The following KCNK13 variants were observed in gnomAD, a reference collection of about 807,000 sequenced individuals.
KCNK13 encodes the protein potassium channel subfamily K member 13.
In KCNK13, 12 loss-of-function variants were observed where a neutral mutation model predicts 23.4. The observed-to-expected ratio is 0.51, with a 90% CI of 0.33 to 0.83. The LOEUF is 0.83. Ranked by LOEUF, KCNK13 falls within the 40% of genes least tolerant of loss-of-function variation. The pLI is 0.02. For missense variants in KCNK13, 463 were observed against 556.3 expected, an observed-to-expected ratio of 0.83 and a Z score of 1.69; for synonymous variants, 231 against 229.5, an observed-to-expected ratio of 1.01 and a Z score of -0.06.
chr14:90,120,370 ATTC>A (rs774902701), intron 1 of KCNK13, among the ~76,000 whole-genome samples: 10 of 152,194 alleles, frequency 6.6e-5, no homozygotes, highest in Non-Finnish European at 1.5e-4. Context: ...GTGTTAGTCC[ATTC>A]TTACACTGCT....
intron 1 of KCNK13, among the ~76,000 whole-genome samples, chr14:90,117,485 G>T (rs1380081895): frequency 1.3e-5 from 2 of 152,098 alleles, no homozygotes; most frequent in African/African-American, 4.8e-5. Flanking sequence ...AGCTACTCGG[G>T]AGACCGAGGC....
chr14:90,164,852 G>T (rs775035992), intron 1 of KCNK13, among the ~76,000 whole-genome samples: 1 of 152,164 alleles, frequency 6.6e-6, no homozygotes, highest in Non-Finnish European at 1.5e-5. Flanking sequence ...GAAGCATGAG[G>T]GTCCCACAAA....
chr14:90,123,518 T>C (rs1889762955), intron 1 of KCNK13, among the ~76,000 whole-genome samples: 1 of 152,244 alleles, frequency 6.6e-6, no homozygotes, highest in African/African-American at 2.4e-5. Flanking sequence ...TCTGAGGTAC[T>C]GTCAGGTTAG....
intron 1 of KCNK13, among the ~76,000 whole-genome samples, chr14:90,171,512 A>T (rs1890364164): frequency 6.6e-6 from 1 of 152,250 alleles, no homozygotes; most frequent in Non-Finnish European, 1.5e-5. Context: ...GGTTGAAGAC[A>T]CGTGCCTGTG....
At chr14:90,155,148 G>A (rs1890179675) in intron 1 of KCNK13, among the ~76,000 whole-genome samples, 1 of 152,150 alleles carries the variant, frequency 6.6e-6, no homozygotes, top group Non-Finnish European at 1.5e-5. Flanking sequence ...TTTCTTTAGG[G>A]TGGTTGGGGA....
In KCNK13 at chr14:90,062,215, C is replaced by T. The variant is rs1217235614; in HGVS notation, c.10C>T (p.Arg4Trp). 1.1e-5 allele frequency: 16 copies of T among 1,429,160 alleles called. No individual in the cohort carries two copies. The highest frequency in any genetic ancestry group is 1.5e-5 in the African/African-American group (1 of 66,884). The allele number at this position is 1,429,160 out of a possible 1,614,324, so 88.5% of individuals were successfully genotyped here. Residue 4 changes from arginine (R) to tryptophan (W), a missense_variant, in exon 1 of 2, where the codon CGG (arginine) becomes TGG (tryptophan). Arg to Trp is a moderately radical substitution (Grantham distance 101). Around this residue, in one of 3 missense-constraint regions of KCNK13, gnomAD observed 153 missense variants for 153.6 expected, o/e 1.00. Transcript: ENST00000282146. The surrounding 1 kb of genome is among the most constrained non-coding windows in gnomAD (Gnocchi z 4.5). MAGRGFSWGPGHLN... is the reference protein window; with the variant it reads MAGWGFSWGPGHLN... ...CCCCGGGGGCCCGGCCATGGCTGGC[C>T]GGGGTTTCAGCTGGGGCCCGGGCCA...
chr14:90,088,388 G>A (rs75941761), intron 1 of KCNK13, among the ~76,000 whole-genome samples: 1,735 of 152,270 alleles, frequency 0.011, 29 homozygotes, highest in African/African-American at 0.041. Context: ...TTTCTGTGGT[G>A]TAAATATTCC....
intron 1 of KCNK13, among the ~76,000 whole-genome samples, chr14:90,093,177 G>C (rs1167085424): frequency 6.6e-6 from 1 of 152,114 alleles, no homozygotes; most frequent in Non-Finnish European, 1.5e-5. Flanking sequence ...CAGGAAATTT[G>C]CTCCTCACTG....
intron 1 of KCNK13, among the ~76,000 whole-genome samples, chr14:90,152,405 C>T (rs1890143933): frequency 6.6e-6 from 1 of 152,250 alleles, no homozygotes; most frequent in Non-Finnish European, 1.5e-5. Flanking sequence ...CGTAGTGGCG[C>T]ACACCTGTAA....
At chr14:90,173,469 A>G (rs1566652029) in intron 1 of KCNK13, among the ~76,000 whole-genome samples, 1 of 152,208 alleles carries the variant, frequency 6.6e-6, no homozygotes, top group Non-Finnish European at 1.5e-5. Flanking sequence ...TGAGTCATCA[A>G]TTGCATTCAT....
chr14:90,062,078 T>C lies in KCNK13; in HGVS notation c.-128T>C, dbSNP rs879002397. On this transcript the variant is annotated 5_prime_UTR_variant, in exon 1 of 2. An upstream start codon of the reference 5' UTR is lost. Transcript: ENST00000282146. This position sits in a 1 kb window ranked among gnomAD's most constrained non-coding sequence, Gnocchi z 4.5. ...GGCCTGCGGGAGAGCCCGGCGGTCA[T>C]GGGCGAGCCGGCGGTGGGGCGCCCG... 3 of 567,252 alleles carry C rather than the reference T, an allele frequency of 5.3e-6. No individual in the cohort carries two copies. Among genetic ancestry groups the C allele is most frequent in the South Asian group, 5.2e-5 (1 of 19,180 alleles). The allele number at this position is 567,252 out of a possible 1,614,324, so 35.1% of individuals were successfully genotyped here.
intron 1 of KCNK13, among the ~76,000 whole-genome samples, chr14:90,069,708 A>G (rs1889051774): frequency 6.6e-6 from 1 of 152,198 alleles, no homozygotes; most frequent in Non-Finnish European, 1.5e-5. Flanking sequence ...CATTAATGAT[A>G]TACATTAATG....
chr14:90,183,980 C>T (rs2140450872), intron 1 of KCNK13, 131 bp from the exon 2 acceptor site: 1 of 801,962 alleles, frequency 1.2e-6, no homozygotes, highest in East Asian at 2.6e-5. Flanking sequence ...CCTGCTCATT[C>T]CTAGAAAGAC....
intron 1 of KCNK13, among the ~76,000 whole-genome samples, chr14:90,178,649 G>GA (rs1890451587): frequency 6.6e-6 from 1 of 151,702 alleles, no homozygotes; most frequent in Non-Finnish European, 1.5e-5. Flanking sequence ...CACCTACTCT[G>GA]TACCCATAAA....
In KCNK13 at chr14:90,110,240, G is replaced by A. The variant is rs189912375; in HGVS notation, c.334+47701G>A. On this transcript the variant is annotated intron_variant, in intron 1 of 1. Transcript: ENST00000282146. ...CATAAAAATGCACCTGAGCCGGTGC[G>A]GTGGCTCATGCCTGTAATCCCAGCA... Among the ~76,000 whole-genome samples the A allele has an allele frequency of 5.5e-4, 84 of 152,228 alleles. 1 individual carries two copies. Among genetic ancestry groups the A allele is most frequent in the African/African-American group, 1.9e-3 (81 of 41,548 alleles).
intron 1 of KCNK13, among the ~76,000 whole-genome samples, chr14:90,157,611 G>A (rs1401067234): frequency 6.6e-6 from 1 of 151,590 alleles, no homozygotes; most frequent in East Asian, 1.9e-4. Context: ...TGTCCAGGCT[G>A]GTCTCGAACT....
chr14:90,179,305 T>C (rs1405091187), intron 1 of KCNK13, among the ~76,000 whole-genome samples: 1 of 151,140 alleles, frequency 6.6e-6, no homozygotes, highest in Non-Finnish European at 1.5e-5. Context: ...TTGAAAAATA[T>C]CATAATACAA....
In KCNK13 at chr14:90,068,996, G is replaced by A. The variant is rs115530907; in HGVS notation, c.334+6457G>A. ...AGATGGAGAGGCTCAGCCTCGCCTC[G>A]TATGTGACTAGATTCTCAACAACAG... On this transcript the variant is annotated intron_variant, in intron 1 of 1. Coordinates refer to ENST00000282146, the MANE Select transcript of KCNK13 (RefSeq NM_022054.4). Among the ~76,000 whole-genome samples, 850 of 149,184 alleles carry A rather than the reference G, an allele frequency of 5.7e-3. 8 individuals carry two copies. The highest frequency in any genetic ancestry group is 0.02 in the African/African-American group (797 of 40,398).
chr14:90,129,403 G>C (rs954592768), intron 1 of KCNK13, among the ~76,000 whole-genome samples: 2 of 152,080 alleles, frequency 1.3e-5, no homozygotes, highest in Non-Finnish European at 2.9e-5. Flanking sequence ...AGAATTGCTC[G>C]GGAAGAACAC....
Sources: gnomAD v4.1 joint callset for allele counts (sites outside exome capture counted in the v4.1 genomes callset) on GRCh38, gnomAD v4.1.1 for gene constraint, gnomAD v4.1.1 regional missense constraint, Gnocchi (gnomAD v3.1) non-coding constraint, MANE v1.5 for transcripts, NCBI Gene and HGNC (gene_info 2026-07-23, HGNC 2026-07-21) for gene names.